The following SNX31 variants were observed in gnomAD, a reference collection of about 807,000 sequenced individuals.
The protein encoded by SNX31 is sorting nexin 31, also known as sorting nexin-31.
In SNX31, 58 loss-of-function variants were observed where a neutral mutation model predicts 65.4. The ratio of observed to expected loss-of-function variants is 0.89; its 90% CI spans 0.72 to 1.10. SNX31 has a LOEUF of 1.10. SNX31 is among the 50% of genes least tolerant of loss of function. The pLI is 0.00. For missense variants in SNX31, 523 were observed against 529.7 expected, an observed-to-expected ratio of 0.99 and a Z score of 0.12; for synonymous variants, 181 against 190.1, an observed-to-expected ratio of 0.95 and a Z score of 0.39.
intron 2 of SNX31, among the ~76,000 whole-genome samples, chr8:100,638,660 G>A (rs533936457): frequency 6.6e-6 from 1 of 152,292 alleles, no homozygotes; most frequent in South Asian, 2.1e-4. Context: ...CACTTTGAAA[G>A]ACAGTTTGGC....
In SNX31 at chr8:100,613,918, T is replaced by C. The variant is rs1187393429; in HGVS notation, c.433-833A>G. 6.6e-6 allele frequency among the ~76,000 whole-genome samples: 1 copy of C among 152,148 alleles called. No individual in the cohort carries two copies. Among genetic ancestry groups the C allele is most frequent in the Admixed American group, 6.5e-5 (1 of 15,270 alleles). On this transcript the variant is annotated intron_variant, in intron 5 of 13. Transcript: ENST00000311812. The surrounding 1 kb of genome is among the most constrained non-coding windows in gnomAD (Gnocchi z 5.2). Reference sequence around the variant, plus strand: ...TGGTCTTAACTCACTAAATCACCTCTGTACCACGCAAGGAGAGGCCTCCAA... The same window carrying C: ...TGGTCTTAACTCACTAAATCACCTCCGTACCACGCAAGGAGAGGCCTCCAA...
chr8:100,596,537 T>G, intron 10 of SNX31, 102 bp downstream of exon 10: 1 of 935,602 alleles, frequency 1.1e-6, no homozygotes, highest in South Asian at 1.5e-5. Context: ...CCACTCAAGG[T>G]ACAGATTCAA....
rs1451702232 is a variant in SNX31 at position 100,612,791 on chromosome 8, C to A, written c.523+204G>T. Among the ~76,000 whole-genome samples, 2 of 152,068 alleles carry A rather than the reference C, an allele frequency of 1.3e-5. No homozygotes were observed. Among genetic ancestry groups the A allele is most frequent in the African/African-American group, 4.8e-5 (2 of 41,406 alleles). ...GTACACAAGTGCAGTTACTGGACCACCCAAGGTATGAGCGGTTTGCCCCCA... is the reference window on the plus strand; with the variant it reads ...GTACACAAGTGCAGTTACTGGACCAACCAAGGTATGAGCGGTTTGCCCCCA... On this transcript the variant is annotated intron_variant, in intron 6 of 13. Transcript: ENST00000311812. The surrounding 1 kb of genome is among the most constrained non-coding windows in gnomAD (Gnocchi z 4.3).
intron 8 of SNX31, among the ~76,000 whole-genome samples, chr8:100,607,331 A>C (rs908140001): frequency 6.6e-6 from 1 of 152,226 alleles, no homozygotes. Flanking sequence ...CACCTGGGGC[A>C]GCTGGTGACC....
At chr8:100,582,316 C>T (rs1294154091) in intron 12 of SNX31, 3 of 152,168 alleles carry the variant, frequency 2.0e-5, no homozygotes, top group Admixed American at 2.0e-4. Context: ...GAGCACTTCT[C>T]CCTTTTAATG....
intron 8 of SNX31, among the ~76,000 whole-genome samples, chr8:100,602,022 C>A (rs1815681536): frequency 6.6e-6 from 1 of 152,236 alleles, no homozygotes; most frequent in Non-Finnish European, 1.5e-5. Flanking sequence ...CACACTCGGC[C>A]TGTGCTGCTC....
intron 5 of SNX31, 99 bp downstream of exon 5, chr8:100,617,521 G>T (rs2131080312): frequency 2.5e-6 from 2 of 799,664 alleles, no homozygotes; most frequent in South Asian, 1.8e-5. Flanking sequence ...AAAACAACAG[G>T]CCAGAAGCTC....
At chr8:100,618,298 T>C in intron 4 of SNX31, 2 of 1,527,556 alleles carry the variant, frequency 1.3e-6, no homozygotes, top group South Asian at 2.4e-5. Context: ...TTTGATAAAG[T>C]CTGCATCCTT....
At position 100,648,143 on chromosome 8, in the gene SNX31, T is replaced by C. The variant is rs1181066222; in HGVS notation, c.141+1131A>G. Among the ~76,000 whole-genome samples the C allele has an allele frequency of 6.6e-6, 1 of 152,164 alleles. No individual in the cohort carries two copies. ...GTATGAGCAAGAAGGCTTGCTACAG[T>C]GACAATTTAATAGCAGAAAAAACAA... is the stretch of plus-strand genomic sequence containing the variant. On this transcript the variant is annotated intron_variant, in intron 2 of 13. Transcript: ENST00000311812. This position sits in a 1 kb window ranked among gnomAD's most constrained non-coding sequence, Gnocchi z 4.3.
chr8:100,576,966 G>C lies in SNX31; in HGVS notation c.1227+53C>G. ...ATGACTTTGGTTAAAGAGGAAAAAA[G>C]ATCAGATTTATCAAAATTATAATGT... On this transcript the variant is annotated intron_variant, in intron 13 of 13. Transcript: ENST00000311812. This position sits in a 1 kb window ranked among gnomAD's most constrained non-coding sequence, Gnocchi z 4.8. 1 of 1,418,226 alleles carries C rather than the reference G, an allele frequency of 7.1e-7. No individual in the cohort carries two copies. Among genetic ancestry groups the C allele is most frequent in the Non-Finnish European group, 9.9e-7 (1 of 1,014,508 alleles). 87.9% of individuals were successfully genotyped at this position (1,418,226 alleles called of 1,614,324 possible). A position where few individuals can be genotyped will look rare whatever the true frequency, so the allele number is the denominator to read the frequency against.
At chr8:100,584,062 T>C (rs1419966676) in intron 12 of SNX31, 49 bp downstream of exon 12, 2 of 1,554,086 alleles carry the variant, frequency 1.3e-6, no homozygotes, top group Non-Finnish European at 1.8e-6. Context: ...AACTGTTGGC[T>C]GATAGTGGGA....
intron 11 of SNX31, among the ~76,000 whole-genome samples, chr8:100,586,877 C>A (rs1347635379): frequency 6.6e-6 from 1 of 152,170 alleles, no homozygotes; most frequent in East Asian, 1.9e-4. Context: ...GATTCCATTT[C>A]AGAACACCTA....
At position 100,625,369 on chromosome 8, in the gene SNX31, C is replaced by A. The variant is rs1167056173; in HGVS notation, c.321+4958G>T. 6.6e-6 allele frequency among the ~76,000 whole-genome samples: 1 copy of A among 151,352 alleles called. No homozygotes were observed. ...GATGGAGGTTTAGAGCCTGGTGAGT[C>A]CACATATGGATTTTCTTGGATGCGC... is the stretch of plus-strand genomic sequence containing the variant. On this transcript the variant is annotated intron_variant, in intron 4 of 13. Transcript: ENST00000311812. This position sits in a 1 kb window ranked among gnomAD's most constrained non-coding sequence, Gnocchi z 4.2.
intron 1 of SNX31, chr8:100,657,977 G>A (rs139195802): frequency 8.1e-4 from 291 of 358,578 alleles, no homozygotes; most frequent in African/African-American, 5.6e-3. Context: ...AAAAATCACA[G>A]ATCCTTGGCA....
Position 100,608,583 on chromosome 8 carries a change from G to A in SNX31, c.612-20C>T, listed in dbSNP as rs989120136. The stretch of plus-strand genomic sequence containing the variant: ...ATATACCTGCAAAATTCAGGAGTGT[G>A]AAATTCATTCCTGTGACATGGCCCA... On this transcript the variant is annotated intron_variant, in intron 7 of 13. Coordinates refer to ENST00000311812, the MANE Select transcript of SNX31 (RefSeq NM_152628.4). 8 of 1,612,170 alleles carry A rather than the reference G, an allele frequency of 5.0e-6. No homozygotes were observed. Among genetic ancestry groups the A allele is most frequent in the African/African-American group, 1.3e-5 (1 of 74,878 alleles).
intron 2 of SNX31, among the ~76,000 whole-genome samples, chr8:100,637,086 T>C (rs1818829215): frequency 1.3e-5 from 2 of 152,214 alleles, no homozygotes; most frequent in Admixed American, 6.5e-5. Flanking sequence ...GGCTGACATA[T>C]GATCCCAAGT....
intron 4 of SNX31, among the ~76,000 whole-genome samples, chr8:100,624,002 G>A (rs555173154): frequency 2.0e-5 from 3 of 151,982 alleles, no homozygotes; most frequent in South Asian, 2.1e-4. Context: ...CTCCAGTTGG[G>A]GGGGAGGTGG....
intron 10 of SNX31, among the ~76,000 whole-genome samples, chr8:100,590,729 C>G (rs1422658869): frequency 6.6e-6 from 1 of 152,146 alleles, no homozygotes; most frequent in African/African-American, 2.4e-5. Flanking sequence ...TTGCAGTGAG[C>G]TGAGATTGCG....
chr8:100,599,046 G>C (rs1315324027), intron 9 of SNX31, among the ~76,000 whole-genome samples: 1 of 152,212 alleles, frequency 6.6e-6, no homozygotes, highest in Non-Finnish European at 1.5e-5. Context: ...TCCATTAGCA[G>C]AAGAACTTGA....
Sources: allele counts gnomAD v4.1 joint callset (sites outside exome capture counted in the v4.1 genomes callset), GRCh38; gene constraint gnomAD v4.1.1; non-coding constraint Gnocchi (gnomAD v3.1); transcripts MANE v1.5; gene names NCBI Gene and HGNC (gene_info 2026-07-23, HGNC 2026-07-21).